The following ARHGAP28 variants were observed in gnomAD, a reference collection of about 807,000 sequenced individuals.
The protein encoded by ARHGAP28 is rho GTPase-activating protein 28.
ARHGAP28 carries 56 observed loss-of-function variants against 90.7 expected under a neutral mutation model. The observed-to-expected ratio is 0.62, with a 90% CI of 0.50 to 0.77. The LOEUF is 0.77. Ranked by LOEUF, ARHGAP28 falls within the 30% of genes least tolerant of loss-of-function variation. The pLI is 0.00. For synonymous variants in ARHGAP28, 308 were observed against 323.3 expected (o/e 0.95, Z 0.51); for missense variants, 869 against 900.9 (o/e 0.96, Z 0.45).
chr18:6,908,381 C>G lies in ARHGAP28; in HGVS notation c.2031-579C>G, dbSNP rs567656965. Among the ~76,000 whole-genome samples the G allele has an allele frequency of 8.5e-5, 13 of 152,122 alleles. 1 individual carries two copies. The South Asian group carries it at 2.3e-3, about 27-fold the overall frequency. On this transcript the variant is annotated intron_variant, in intron 16 of 17. Transcript: ENST00000383472. ...CTCAAACTCCTGACCTCAGATGATC[C>G]ACCCGCCTCAACCTCCCAAAATGCT...
At position 6,757,484 on chromosome 18, in the gene ARHGAP28, G is replaced by A. The variant is rs546202489; in HGVS notation, c.122+27541G>A. ...GTAGGAATTCTAGGAACATACCGACGATTAATACAAAGCCAGGATTTTACA... is the reference window on the plus strand; with the variant it reads ...GTAGGAATTCTAGGAACATACCGACAATTAATACAAAGCCAGGATTTTACA... On this transcript the variant is annotated intron_variant, in intron 1 of 17. Transcript: ENST00000383472. 1.4e-3 allele frequency among the ~76,000 whole-genome samples: 208 copies of A among 152,202 alleles called. 1 individual carries two copies. The highest frequency in any genetic ancestry group is 4.5e-3 in the African/African-American group (186 of 41,560).
intron 1 of ARHGAP28, among the ~76,000 whole-genome samples, chr18:6,774,812 A>G (rs2056270878): frequency 6.6e-6 from 1 of 152,170 alleles, no homozygotes; most frequent in Non-Finnish European, 1.5e-5. Flanking sequence ...TCCTACACCT[A>G]TGGTGGGGAC....
rs1159258226 is a variant in ARHGAP28 at position 6,779,225 on chromosome 18, C to T, written c.123-45537C>T. ...TTATTGAAGGGTGCACTGTGTACTG[C>T]ATATGAAAATAATCCTGCATCATGT... On this transcript the variant is annotated intron_variant, in intron 1 of 17. Transcript: ENST00000383472. Among the ~76,000 whole-genome samples, 4 of 152,144 alleles carry T rather than the reference C, an allele frequency of 2.6e-5. No individual in the cohort carries two copies. The East Asian group carries it at 7.7e-4, about 29-fold the overall frequency.
At chr18:6,827,409 G>A (rs1380720703) in intron 2 of ARHGAP28, among the ~76,000 whole-genome samples, 1 of 144,648 alleles carries the variant, frequency 6.9e-6, no homozygotes, top group Admixed American at 6.8e-5. Flanking sequence ...CTGGCCGGGA[G>A]GGGGGTTGAC....
At chr18:6,749,631 A>G (rs1172533385) in intron 1 of ARHGAP28, among the ~76,000 whole-genome samples, 1 of 152,160 alleles carries the variant, frequency 6.6e-6, no homozygotes, top group Non-Finnish European at 1.5e-5. Context: ...ATTAGAGTAT[A>G]GCATCACTCT....
intron 1 of ARHGAP28, among the ~76,000 whole-genome samples, chr18:6,739,633 A>G (rs2055957605): frequency 7.0e-6 from 1 of 143,086 alleles, no homozygotes; most frequent in Admixed American, 7.2e-5. Context: ...AGACATTCAA[A>G]TTGACTAAGC....
chr18:6,869,635 T>G (rs2057067307), intron 6 of ARHGAP28, among the ~76,000 whole-genome samples: 1 of 152,154 alleles, frequency 6.6e-6, no homozygotes, highest in East Asian at 1.9e-4. Flanking sequence ...TATTCAGAAT[T>G]TTTATATCTG....
chr18:6,786,242 A>C (rs989602429), intron 1 of ARHGAP28, among the ~76,000 whole-genome samples: 1 of 152,018 alleles, frequency 6.6e-6, no homozygotes, highest in Admixed American at 6.5e-5. Context: ...TATATATTAC[A>C]CCTTTTTTAT....
intron 1 of ARHGAP28, among the ~76,000 whole-genome samples, chr18:6,759,102 A>G (rs2056137188): frequency 6.6e-6 from 1 of 152,198 alleles, no homozygotes; most frequent in Non-Finnish European, 1.5e-5. Flanking sequence ...GTTTTCTTAT[A>G]GGCATTATTT....
At chr18:6,763,313 C>A (rs1214651062) in intron 1 of ARHGAP28, among the ~76,000 whole-genome samples, 1 of 152,052 alleles carries the variant, frequency 6.6e-6, no homozygotes. Flanking sequence ...GAACTCCTGA[C>A]CTCAAGTGAT....
chr18:6,906,066 G>A (rs2143844166), intron 16 of ARHGAP28, among the ~76,000 whole-genome samples: 1 of 152,054 alleles, frequency 6.6e-6, no homozygotes. Flanking sequence ...GAAAAGCACA[G>A]GCCCTAGAAT....
chr18:6,885,685 G>A (rs968120411), intron 11 of ARHGAP28, among the ~76,000 whole-genome samples: 2 of 152,020 alleles, frequency 1.3e-5, no homozygotes. Context: ...AATGAAAATG[G>A]ATTATTTGCC....
At chr18:6,846,558 T>C (rs2056867540) in intron 3 of ARHGAP28, among the ~76,000 whole-genome samples, 1 of 152,192 alleles carries the variant, frequency 6.6e-6, no homozygotes, top group Admixed American at 6.5e-5. Context: ...CAATCCTTTT[T>C]CTAATTTTAT....
chr18:6,828,436 C>G (rs560752897), intron 2 of ARHGAP28, among the ~76,000 whole-genome samples: 88 of 152,160 alleles, frequency 5.8e-4, no homozygotes, highest in Admixed American at 8.5e-4. Flanking sequence ...TAATCAGGTC[C>G]CACTTGTCAA....
chr18:6,905,252 G>C (rs1031874864), intron 16 of ARHGAP28, among the ~76,000 whole-genome samples: 1 of 151,712 alleles, frequency 6.6e-6, no homozygotes, highest in African/African-American at 2.4e-5. Context: ...AGGCATGCAA[G>C]GTTGATTTAA....
intron 16 of ARHGAP28, among the ~76,000 whole-genome samples, chr18:6,908,733 G>A (rs992676622): frequency 1.3e-5 from 2 of 152,216 alleles, no homozygotes; most frequent in Non-Finnish European, 2.9e-5. Context: ...GAGCACTGCG[G>A]CTGCCCATCC....
chr18:6,804,513 C>T (rs1338608366), intron 1 of ARHGAP28, among the ~76,000 whole-genome samples: 1 of 152,016 alleles, frequency 6.6e-6, no homozygotes, highest in East Asian at 1.9e-4. Flanking sequence ...CTTTTAAGAT[C>T]AAAGCTGAAG....
At chr18:6,814,680 A>T (rs1249619796) in intron 1 of ARHGAP28, among the ~76,000 whole-genome samples, 1 of 152,244 alleles carries the variant, frequency 6.6e-6, no homozygotes, top group Admixed American at 6.5e-5. Context: ...TGAAAGCCAT[A>T]CATAGTAGTG....
At chr18:6,898,685 A>T in intron 16 of ARHGAP28, 1 of 1,419,800 alleles carries the variant, frequency 7.0e-7, no homozygotes, top group African/African-American at 1.4e-5. Flanking sequence ...CCTTTCGTAG[A>T]AAGAAAATGT....
Sources: gnomAD v4.1 joint callset for allele counts (sites outside exome capture counted in the v4.1 genomes callset) on GRCh38, gnomAD v4.1.1 for gene constraint, MANE v1.5 for transcripts, NCBI Gene and HGNC (gene_info 2026-07-23, HGNC 2026-07-21) for gene names.